SUCLG2: variants seen among roughly 807,000 people sequenced by gnomAD.
SUCLG2 encodes succinate--CoA ligase [GDP-forming] subunit beta, mitochondrial.
Under a neutral mutation model 47.9 loss-of-function variants are expected in SUCLG2, and 42 were observed. The ratio of observed to expected loss-of-function variants is 0.88; its 90% CI spans 0.69 to 1.14. The LOEUF (loss-of-function observed/expected upper bound fraction) is 1.14. SUCLG2 is among the 50% of genes most tolerant of loss of function. The pLI is 0.00. For synonymous variants in SUCLG2, 195 were observed against 197.3 expected (o/e 0.99, Z 0.10); for missense variants, 571 against 525.9 (o/e 1.09, Z -0.84).
intron 2 of SUCLG2, among the ~76,000 whole-genome samples, chr3:67,551,805 C>T (rs1707021565): frequency 6.6e-6 from 1 of 152,128 alleles, no homozygotes; most frequent in South Asian, 2.1e-4. Context: ...ATTCAAAGGA[C>T]ATTACAAACC....
At chr3:67,410,306 T>A (rs1178242969) in intron 9 of SUCLG2, among the ~76,000 whole-genome samples, 1 of 152,180 alleles carries the variant, frequency 6.6e-6, no homozygotes, top group African/African-American at 2.4e-5. Flanking sequence ...AGGCCAAGGG[T>A]GGCATATAAA....
intron 9 of SUCLG2, among the ~76,000 whole-genome samples, chr3:67,413,422 A>T (rs1702970752): frequency 6.6e-6 from 1 of 152,210 alleles, no homozygotes; most frequent in East Asian, 1.9e-4. Context: ...GGTAACATGG[A>T]GACAAACTCG....
At chr3:67,480,003 C>T (rs143640143) in intron 9 of SUCLG2, among the ~76,000 whole-genome samples, 2 of 152,174 alleles carry the variant, frequency 1.3e-5, no homozygotes, top group East Asian at 3.9e-4. Flanking sequence ...GATTTTGAAA[C>T]AGAAATAGAA....
At chr3:67,539,731 T>C (rs528282057) in intron 2 of SUCLG2, among the ~76,000 whole-genome samples, 1 of 152,312 alleles carries the variant, frequency 6.6e-6, no homozygotes, top group African/African-American at 2.4e-5. Context: ...CTGCCTCAAT[T>C]TCAGAACTTG....
intron 9 of SUCLG2, among the ~76,000 whole-genome samples, chr3:67,444,076 C>A (rs1234405819): frequency 8.0e-5 from 9 of 111,988 alleles, no homozygotes; most frequent in African/African-American, 2.8e-4. Flanking sequence ...GTCAGCCCCC[C>A]GCCTGGCCAG....
intron 9 of SUCLG2, among the ~76,000 whole-genome samples, chr3:67,487,499 T>TACACACACGC (rs1705085626): frequency 6.7e-6 from 1 of 149,806 alleles, no homozygotes; most frequent in Non-Finnish European, 1.5e-5. Flanking sequence ...AACACACATA[T>TACACACACGC]ACACACACAC....
intron 8 of SUCLG2, among the ~76,000 whole-genome samples, chr3:67,496,481 T>C (rs984810668): frequency 6.6e-6 from 1 of 152,208 alleles, no homozygotes; most frequent in Non-Finnish European, 1.5e-5. Context: ...GATTTTATAC[T>C]TTTTTACACT....
In SUCLG2 at chr3:67,502,901, A is replaced by G. The variant is rs1241315809; in HGVS notation, c.758-4606T>C. Among the ~76,000 whole-genome samples the G allele has an allele frequency of 2.0e-5, 3 of 152,354 alleles. No homozygotes were observed. The East Asian group carries it at 5.8e-4, about 29-fold the overall frequency. ...AAAACAAGATTTTTGGCTAAAAGAT[A>G]AGGGTAAAATAGGCTGTTGGTGACT... On this transcript the variant is annotated intron_variant, in intron 7 of 10. Transcript: ENST00000307227.
intron 2 of SUCLG2, among the ~76,000 whole-genome samples, chr3:67,552,172 C>CAAAAAAA (rs55687048): frequency 3.5e-3 from 256 of 73,596 alleles, no homozygotes; most frequent in Non-Finnish European, 6.2e-3. Context: ...AACTCCATCT[C>CAAAAAAA]AAAAAAAAAA....
chr3:67,410,636 T>C, intron 9 of SUCLG2, among the ~76,000 whole-genome samples: 1 of 151,912 alleles, frequency 6.6e-6, no homozygotes, highest in African/African-American at 2.4e-5. Context: ...AAATAAATCA[T>C]GCAAAAACTA....
intron 10 of SUCLG2, among the ~76,000 whole-genome samples, chr3:67,391,470 G>C (rs527631182): frequency 6.6e-6 from 1 of 152,132 alleles, no homozygotes; most frequent in African/African-American, 2.4e-5. Context: ...AGAGTTTAGA[G>C]GCAGCCATAG....
At chr3:67,585,548 C>T (rs1472708678) in intron 2 of SUCLG2, among the ~76,000 whole-genome samples, 2 of 152,158 alleles carry the variant, frequency 1.3e-5, no homozygotes, top group Non-Finnish European at 2.9e-5. Flanking sequence ...CATCTGTCTC[C>T]AGCTGCCACT....
intron 2 of SUCLG2, among the ~76,000 whole-genome samples, chr3:67,542,592 C>T (rs1036423548): frequency 2.6e-5 from 4 of 151,928 alleles, no homozygotes; most frequent in African/African-American, 4.8e-5. Context: ...ACCCGTCTCA[C>T]GTGCAAATAG....
At chr3:67,510,889 CTT>C (rs369542916) in intron 6 of SUCLG2, among the ~76,000 whole-genome samples, 8,151 of 123,870 alleles carry the variant, frequency 0.066, 223 homozygotes, top group South Asian at 0.15. Context: ...TTAAATTGTT[CTT>C]TTTTTTTTTT....
At chr3:67,558,071 C>T (rs1041736716) in intron 2 of SUCLG2, among the ~76,000 whole-genome samples, 6 of 152,102 alleles carry the variant, frequency 3.9e-5, no homozygotes, top group African/African-American at 1.4e-4. Context: ...AAAGCCTGTC[C>T]CTTTGACCTC....
At chr3:67,522,245 A>G (rs911347897) in intron 4 of SUCLG2, among the ~76,000 whole-genome samples, 2 of 151,864 alleles carry the variant, frequency 1.3e-5, no homozygotes, top group Admixed American at 1.3e-4. Context: ...GGGTCTTGCT[A>G]TGTTGCCCAG....
At chr3:67,456,465 C>G (rs1445423573) in intron 9 of SUCLG2, among the ~76,000 whole-genome samples, 1 of 152,126 alleles carries the variant, frequency 6.6e-6, no homozygotes, top group Non-Finnish European at 1.5e-5. Context: ...CTGGAACACA[C>G]TGAATTGAAT....
At chr3:67,509,661 C>T (rs1705732156) in intron 6 of SUCLG2, among the ~76,000 whole-genome samples, 1 of 152,164 alleles carries the variant, frequency 6.6e-6, no homozygotes, top group South Asian at 2.1e-4. Context: ...CATGCCCCTA[C>T]CCTGGAAAGC....
intron 9 of SUCLG2, among the ~76,000 whole-genome samples, chr3:67,492,526 T>G (rs889894329): frequency 6.6e-6 from 1 of 152,212 alleles, no homozygotes; most frequent in Non-Finnish European, 1.5e-5. Flanking sequence ...TTTATACATT[T>G]TTGCTCTTTA....
Sources: allele counts gnomAD v4.1 joint callset (sites outside exome capture counted in the v4.1 genomes callset), GRCh38; gene constraint gnomAD v4.1.1; transcripts MANE v1.5; gene names NCBI Gene and HGNC (gene_info 2026-07-23, HGNC 2026-07-21).